The following PRRC2C variants were observed in gnomAD, a reference collection of about 807,000 sequenced individuals.
PRRC2C encodes the protein protein PRRC2C.
PRRC2C carries 72 observed loss-of-function variants against 317.2 expected under a neutral mutation model. The observed-to-expected ratio is 0.23, with a 90% CI of 0.19 to 0.28. PRRC2C has a LOEUF of 0.28. PRRC2C is among the 10% of genes least tolerant of loss of function. PRRC2C has a pLI of 1.00. For synonymous variants in PRRC2C, 1,296 were observed against 1,205.9 expected, an observed-to-expected ratio of 1.07 and a Z score of -1.55; for missense variants, 3,074 against 3,459.7, an observed-to-expected ratio of 0.89 and a Z score of 2.80.
At chr1:171,587,277 A>ATAT in intron 31 of PRRC2C, 56 bp downstream of exon 31, 1 of 1,451,868 alleles carries the variant, frequency 6.9e-7, no homozygotes. Flanking sequence ...GTGTGTTCAG[A>ATAT]TATATGCATC....
Position 171,557,764 on chromosome 1 carries a change from C to G in PRRC2C, c.5652C>G (p.Ser1884=). The change falls in exon 19 of 35, where the codon TCC becomes TCG. Residue 1884 remains serine, a synonymous_variant. Transcript: ENST00000647382. ...CAACGCCAGCCCCAGCAGCCTCTTCCCCAGCTGCCCCAGTCATCACAGCAC... is the reference window on the plus strand; with the variant it reads ...CAACGCCAGCCCCAGCAGCCTCTTCGCCAGCTGCCCCAGTCATCACAGCAC... ...SAPTPAPAAS[S]PAAPVITAPT... 2 of 1,550,962 alleles carry G rather than the reference C, an allele frequency of 1.3e-6. No homozygotes were observed. Among genetic ancestry groups the G allele is most frequent in the South Asian group, 1.2e-5 (1 of 84,028 alleles).
intron 6 of PRRC2C, among the ~76,000 whole-genome samples, chr1:171,518,461 TATTTTTTTCAA>T (rs767384704): frequency 4.6e-5 from 5 of 108,048 alleles, no homozygotes; most frequent in African/African-American, 6.6e-5. Context: ...GTACTTTTAA[TATTTTTTTCAA>T]TTTTTTTTCA....
In PRRC2C at chr1:171,497,322, C is replaced by G. The variant is rs1328763728; in HGVS notation, c.-58+11587C>G. 2.0e-5 allele frequency among the ~76,000 whole-genome samples: 3 copies of G among 152,078 alleles called. No individual in the cohort carries two copies. The East Asian group carries it at 5.8e-4, about 29-fold the overall frequency. On this transcript the variant is annotated intron_variant, in intron 1 of 34. Coordinates refer to ENST00000647382, the MANE Select transcript of PRRC2C (RefSeq NM_001387844.1). Reference sequence around the variant, plus strand: ...TGTTGGGCACTGGCTTTGAAGTCAGCCTGGATTTAATCTTGACTCTACCAC... The same window carrying G: ...TGTTGGGCACTGGCTTTGAAGTCAGGCTGGATTTAATCTTGACTCTACCAC...
rs1272361170 is a variant in PRRC2C at position 171,541,345 on chromosome 1, A to G, written c.3879A>G (p.Glu1293=). ...LSKGKLPKRE[E]RPENKKPVKP... ...AAGGCAAACTTCCCAAAAGAGAGGA[A>G]CGGCCTGAAAACAAAAAACCTGTAA... The change falls in exon 16 of 35, where the codon GAA becomes GAG. Residue 1293 remains glutamate (E), a synonymous_variant. Transcript: ENST00000647382. This position sits in a 1 kb window ranked among gnomAD's most constrained non-coding sequence, Gnocchi z 4.1. The G allele has an allele frequency of 1.2e-6, 2 of 1,612,050 alleles. No individual in the cohort carries two copies. The highest frequency in any genetic ancestry group is 1.1e-5 in the South Asian group (1 of 90,702).
At position 171,523,880 on chromosome 1, in the gene PRRC2C, A is replaced by G. The variant is rs184692430; in HGVS notation, c.1055+358A>G. On this transcript the variant is annotated intron_variant, in intron 9 of 34. Coordinates refer to ENST00000647382, the MANE Select transcript of PRRC2C (RefSeq NM_001387844.1). ...GTGAAACCCCATCTCTACTAAAAATACAAAAATTATCCAGGCGTGGTGGTG... is the reference window on the plus strand; with the variant it reads ...GTGAAACCCCATCTCTACTAAAAATGCAAAAATTATCCAGGCGTGGTGGTG... Among the ~76,000 whole-genome samples, 736 of 152,206 alleles carry G rather than the reference A, an allele frequency of 4.8e-3. 4 individuals carry two copies. Among genetic ancestry groups the G allele is most frequent in the African/African-American group, 0.017 (686 of 41,534 alleles).
chr1:171,591,977 A>G lies in PRRC2C; in HGVS notation c.*130A>G. 1 of 1,260,240 alleles carries G rather than the reference A, an allele frequency of 7.9e-7. No homozygotes were observed. Among genetic ancestry groups the G allele is most frequent in the Non-Finnish European group, 1.1e-6 (1 of 907,896 alleles). The allele number at this position is 1,260,240 out of a possible 1,614,324, so 78.1% of individuals were successfully genotyped here. ...CCTGTTCAGAGCTTGGAGATGTACA[A>G]GGGACATAGGAGCAATTTACACTGA... On this transcript the variant is annotated 3_prime_UTR_variant, in exon 35 of 35. Transcript: ENST00000647382.
chr1:171,522,337 A>G, intron 7 of PRRC2C, 78 bp downstream of exon 7: 1 of 991,478 alleles, frequency 1.0e-6, no homozygotes, highest in South Asian at 1.5e-5. Context: ...GGATTGTGTG[A>G]TTCTGAGTTG....
intron 19 of PRRC2C, 63 bp downstream of exon 19, chr1:171,558,206 A>G (rs778564150): frequency 7.8e-5 from 116 of 1,482,786 alleles, no homozygotes; most frequent in Non-Finnish European, 1.0e-4. Flanking sequence ...TTTCTTTTCA[A>G]TTTTATTTAT....
intron 1 of PRRC2C, among the ~76,000 whole-genome samples, chr1:171,487,267 C>G (rs1413666605): frequency 6.6e-6 from 1 of 152,100 alleles, no homozygotes; most frequent in Non-Finnish European, 1.5e-5. Flanking sequence ...AGAGAGTAGT[C>G]TGACCAAGGT....
intron 1 of PRRC2C, among the ~76,000 whole-genome samples, chr1:171,498,581 T>G (rs898191372): frequency 6.6e-6 from 1 of 152,208 alleles, no homozygotes; most frequent in African/African-American, 2.4e-5. Flanking sequence ...TGGATTAGAC[T>G]TCAGTAAAAC....
intron 3 of PRRC2C, chr1:171,513,438 T>C (rs1557888120): frequency 1.8e-5 from 10 of 543,028 alleles, no homozygotes; most frequent in South Asian, 7.7e-5. Flanking sequence ...GCTTTCATAC[T>C]ACCACCAACT....
At chr1:171,582,868 A>C (rs1558049645) in intron 28 of PRRC2C, among the ~76,000 whole-genome samples, 1 of 151,500 alleles carries the variant, frequency 6.6e-6, no homozygotes, top group African/African-American at 2.4e-5. Context: ...AAAAAAAAAA[A>C]AACAAATTTT....
In PRRC2C at chr1:171,591,886, G is replaced by GGAGGCCCCCCCC; in HGVS notation, c.*39_*40insGAGGCCCCCCCC. On this transcript the variant is annotated 3_prime_UTR_variant, in exon 35 of 35. Transcript: ENST00000647382. The stretch of plus-strand genomic sequence containing the variant: ...TTGCAGGGGATTGGGAGGGGGGCGG[G>GGAGGCCCCCCCC]AAAACATGGAGAATTAAGTCAGATA... 1 of 475,636 alleles carries GGAGGCCCCCCCC rather than the reference G, an allele frequency of 2.1e-6. No individual in the cohort carries two copies. Among genetic ancestry groups the GGAGGCCCCCCCC allele is most frequent in the Non-Finnish European group, 3.7e-6 (1 of 266,840 alleles). 29.5% of individuals were successfully genotyped at this position (475,636 alleles called of 1,614,324 possible).
intron 17 of PRRC2C, among the ~76,000 whole-genome samples, chr1:171,546,519 G>A (rs1282858974): frequency 1.3e-5 from 2 of 152,126 alleles, no homozygotes; most frequent in African/African-American, 4.8e-5. Flanking sequence ...ATTATTTTTT[G>A]ACCAGTGGTT....
At chr1:171,492,648 G>A (rs10753119) in intron 1 of PRRC2C, among the ~76,000 whole-genome samples, 122,909 of 152,122 alleles carry the variant, frequency 0.81, 49,783 homozygotes, top group Middle Eastern at 0.9. Context: ...ATGCTGATCA[G>A]TAGTGGGATA....
chr1:171,506,918 C>A (rs1670367063), intron 1 of PRRC2C, among the ~76,000 whole-genome samples: 1 of 152,144 alleles, frequency 6.6e-6, no homozygotes, highest in Non-Finnish European at 1.5e-5. Flanking sequence ...TATAAAGTAG[C>A]TTTTTCTTAG....
intron 16 of PRRC2C, among the ~76,000 whole-genome samples, chr1:171,543,744 A>T (rs1476137012): frequency 6.6e-6 from 1 of 152,256 alleles, no homozygotes; most frequent in African/African-American, 2.4e-5. Context: ...TGATATAACT[A>T]AATACCTGAG....
chr1:171,537,727 A>G (rs1183394860), intron 15 of PRRC2C, among the ~76,000 whole-genome samples: 1 of 151,984 alleles, frequency 6.6e-6, no homozygotes, highest in Non-Finnish European at 1.5e-5. Context: ...CTTTTTTGAG[A>G]TAGGAACTTG....
At chr1:171,590,956 C>A in intron 34 of PRRC2C, among the ~76,000 whole-genome samples, 1 of 152,002 alleles carries the variant, frequency 6.6e-6, no homozygotes, top group Non-Finnish European at 1.5e-5. Flanking sequence ...TTTTAATATG[C>A]AAGAAGGATG....
Sources: gnomAD v4.1 joint callset for allele counts (sites outside exome capture counted in the v4.1 genomes callset) on GRCh38, gnomAD v4.1.1 for gene constraint, Gnocchi (gnomAD v3.1) non-coding constraint, MANE v1.5 for transcripts, NCBI Gene and HGNC (gene_info 2026-07-23, HGNC 2026-07-21) for gene names.